The following LIN28A variants were observed in gnomAD, a reference collection of about 807,000 sequenced individuals.
LIN28A encodes the protein protein lin-28 homolog A.
A neutral mutation model predicts 21.1 loss-of-function variants in LIN28A; 11 were observed. The ratio of observed to expected loss-of-function variants is 0.52; its 90% CI spans 0.33 to 0.86. The LOEUF is 0.86. LIN28A is among the 40% of genes least tolerant of loss of function. LIN28A has a pLI of 0.03. For synonymous variants in LIN28A, 111 were observed against 108.7 expected (o/e 1.02, Z -0.13); for missense variants, 219 against 279.8 (o/e 0.78, Z 1.55).
chr1:26,413,753 T>C (rs1053514239), intron 2 of LIN28A, among the ~76,000 whole-genome samples: 1 of 152,000 alleles, frequency 6.6e-6, no homozygotes, highest in African/African-American at 2.4e-5. Context: ...CAACCCCACC[T>C]TAACCGTAAG....
intron 2 of LIN28A, among the ~76,000 whole-genome samples, chr1:26,418,561 A>T (rs2075010841): frequency 6.6e-6 from 1 of 152,160 alleles, no homozygotes; most frequent in Non-Finnish European, 1.5e-5. Context: ...AAAAAAGAAA[A>T]AGAAATGCTG....
At position 26,427,539 on chromosome 1, in the gene LIN28A, G is replaced by T. The variant is rs2075067119; in HGVS notation, c.*1081G>T. The T allele has an allele frequency of 2.0e-5, 3 of 152,602 alleles. No individual in the cohort carries two copies. Among genetic ancestry groups the T allele is most frequent in the Non-Finnish European group, 1.5e-5 (1 of 68,082 alleles). 9.5% of individuals were successfully genotyped at this position (152,602 alleles called of 1,614,324 possible). A position where few individuals can be genotyped will look rare whatever the true frequency, so the allele number is the denominator to read the frequency against. On this transcript the variant is annotated 3_prime_UTR_variant, in exon 4 of 4. Transcript: ENST00000326279. ...AAACAGGAAATGGTGGTACACAGAG[G>T]CTAGGAGAGGCTGGGCCCGGTGAAA...
At chr1:26,413,825 C>CTTTTTTTT (rs755305206) in intron 2 of LIN28A, among the ~76,000 whole-genome samples, 1 of 100,388 alleles carries the variant, frequency 1.0e-5, no homozygotes, top group African/African-American at 4.1e-5. Context: ...TTGTTTGTTG[C>CTTTTTTTT]TTTTTTTTTT....
At chr1:26,422,392 T>C (rs1330544774) in intron 2 of LIN28A, among the ~76,000 whole-genome samples, 2 of 151,356 alleles carry the variant, frequency 1.3e-5, no homozygotes, top group Admixed American at 6.6e-5. Context: ...ATATACCATA[T>C]GCAAATTTTG....
Position 26,422,024 on chromosome 1 carries a change from T to TTC in LIN28A, c.229-3279_229-3278insTC, listed in dbSNP as rs2075031053. Among the ~76,000 whole-genome samples the TTC allele has an allele frequency of 2.0e-5, 3 of 151,708 alleles. No individual in the cohort carries two copies. In the South Asian group the frequency reaches 6.3e-4, roughly 32 times the overall value. ...GGAATATTTATCTTTTTTTTTTTTT[T>TTC]CTGAGACAGGGTCTCACTCTGTCAC... is the stretch of plus-strand genomic sequence containing the variant. On this transcript the variant is annotated intron_variant, in intron 2 of 3. Transcript: ENST00000326279.
intron 2 of LIN28A, among the ~76,000 whole-genome samples, chr1:26,413,274 T>C (rs2074972212): frequency 6.6e-6 from 1 of 152,088 alleles, no homozygotes; most frequent in Non-Finnish European, 1.5e-5. Context: ...CGTTTTCTCA[T>C]CTCCCATCCA....
rs1206341692 is a variant in LIN28A at position 26,411,966 on chromosome 1, C to T, written c.228+384C>T. 6.6e-6 allele frequency among the ~76,000 whole-genome samples: 1 copy of T among 152,208 alleles called. No homozygotes were observed. Among genetic ancestry groups the T allele is most frequent in the East Asian group, 1.9e-4 (1 of 5,194 alleles). ...CACATGCCGGGCCTAAGCCGGGAGC[C>T]CAGCTCCTCCAACGTCTGAATGGAG... On this transcript the variant is annotated intron_variant, in intron 2 of 3. Transcript: ENST00000326279. The surrounding 1 kb of genome is among the most constrained non-coding windows in gnomAD (Gnocchi z 5.4).
At chr1:26,412,042 G>A (rs756872770) in intron 2 of LIN28A, among the ~76,000 whole-genome samples, 43 of 152,242 alleles carry the variant, frequency 2.8e-4, no homozygotes, top group Non-Finnish European at 6.2e-4. Flanking sequence ...CCCAAGGGGC[G>A]TAAAGCCGAG....
chr1:26,425,446 A>T lies in LIN28A; in HGVS notation c.372A>T (p.Pro124=). Residue 124 remains proline (P), a synonymous_variant, in exon 3 of 4, where the codon CCA becomes CCT. Coordinates refer to ENST00000326279, the MANE Select transcript of LIN28A (RefSeq NM_024674.6). ...GVFCIGSERR[P]KGKSMQKRRS... ...TCTGTATTGGGAGTGAGAGGCGGCC[A>T]AAAGGAAAGAGCATGCAGAAGCGCA... 1 of 1,614,100 alleles carries T rather than the reference A, an allele frequency of 6.2e-7. No homozygotes were observed. The highest frequency in any genetic ancestry group is 8.5e-7 in the Non-Finnish European group (1 of 1,179,988).
intron 2 of LIN28A, among the ~76,000 whole-genome samples, chr1:26,423,283 T>C (rs2075037812): frequency 6.6e-6 from 1 of 152,036 alleles, no homozygotes; most frequent in Non-Finnish European, 1.5e-5. Context: ...TCATGTGATC[T>C]GCCCACCTCA....
intron 2 of LIN28A, among the ~76,000 whole-genome samples, chr1:26,413,405 ATGGGGACT>A (rs2074972965): frequency 6.6e-6 from 1 of 151,988 alleles, no homozygotes; most frequent in Admixed American, 6.6e-5. Context: ...GTTTGAGCAA[ATGGGGACT>A]TGGGCCTCAG....
At chr1:26,414,841 T>G (rs1001816144) in intron 2 of LIN28A, among the ~76,000 whole-genome samples, 5 of 152,186 alleles carry the variant, frequency 3.3e-5, no homozygotes, top group Non-Finnish European at 7.3e-5. Flanking sequence ...CCATACATTG[T>G]CAAATGTCCC....
At chr1:26,417,122 T>C (rs1415603063) in intron 2 of LIN28A, among the ~76,000 whole-genome samples, 1 of 152,014 alleles carries the variant, frequency 6.6e-6, no homozygotes, top group Non-Finnish European at 1.5e-5. Flanking sequence ...AACACTTGAG[T>C]TCACAGCTCA....
intron 2 of LIN28A, 43 bp from the exon 3 acceptor site, chr1:26,425,260 A>G: frequency 6.3e-7 from 1 of 1,581,064 alleles, no homozygotes; most frequent in East Asian, 2.2e-5. Flanking sequence ...TTGGTATAAT[A>G]ATGGAAATTA....
intron 2 of LIN28A, among the ~76,000 whole-genome samples, chr1:26,417,169 G>C (rs2074998812): frequency 6.6e-6 from 1 of 152,210 alleles, no homozygotes; most frequent in Non-Finnish European, 1.5e-5. Context: ...TCCTGGTATA[G>C]GCGCCCTCGG....
intron 2 of LIN28A, 77 bp from the exon 3 acceptor site, chr1:26,425,226 A>G: frequency 7.0e-7 from 1 of 1,419,264 alleles, no homozygotes; most frequent in Non-Finnish European, 9.7e-7. Context: ...TTCCTACCCT[A>G]CAGGAATAAG....
rs551364917 is a variant in LIN28A at position 26,427,642 on chromosome 1, G to C, written c.*1184G>C. On this transcript the variant is annotated 3_prime_UTR_variant, in exon 4 of 4. Transcript: ENST00000326279. ...GGACGTGCTTTACATCTCCAGATCT[G>C]TTCTTCACCAGATTAGGTTAGGCCT... 4 of 152,224 alleles carry C rather than the reference G, an allele frequency of 2.6e-5. No homozygotes were observed. Among genetic ancestry groups the C allele is most frequent in the African/African-American group, 9.7e-5 (4 of 41,442 alleles). 9.4% of individuals were successfully genotyped at this position (152,224 alleles called of 1,614,324 possible).
chr1:26,426,760 G>C lies in LIN28A; in HGVS notation c.*302G>C, dbSNP rs564419859. 1 of 349,982 alleles carries C rather than the reference G, an allele frequency of 2.9e-6. No individual in the cohort carries two copies. The highest frequency in any genetic ancestry group is 5.4e-6 in the Non-Finnish European group (1 of 184,952). The allele number at this position is 349,982 out of a possible 1,614,324, so 21.7% of individuals were successfully genotyped here. A position where few individuals can be genotyped will look rare whatever the true frequency, so the allele number is the denominator to read the frequency against. ...AATTTCCAGCTTTTGAAAGTGGCCT[G>C]GATAGGGAAGTTGTTTTCCTTTTAA... On this transcript the variant is annotated 3_prime_UTR_variant, in exon 4 of 4. Coordinates refer to ENST00000326279, the MANE Select transcript of LIN28A (RefSeq NM_024674.6).
intron 2 of LIN28A, among the ~76,000 whole-genome samples, chr1:26,423,402 T>C (rs1277090547): frequency 9.7e-6 from 1 of 103,196 alleles, no homozygotes; most frequent in Non-Finnish European, 1.9e-5. Flanking sequence ...GATTTCCTTT[T>C]TTTTCTTTTT....
Sources: allele counts gnomAD v4.1 joint callset (sites outside exome capture counted in the v4.1 genomes callset), GRCh38; gene constraint gnomAD v4.1.1; non-coding constraint Gnocchi (gnomAD v3.1); transcripts MANE v1.5; gene names NCBI Gene and HGNC (gene_info 2026-07-23, HGNC 2026-07-21).